The following SORD variants were observed in gnomAD, a reference collection of about 807,000 sequenced individuals.
The protein encoded by SORD is sorbitol dehydrogenase.
SORD carries 18 observed loss-of-function variants against 35.6 expected under a neutral mutation model. The observed-to-expected ratio is 0.51, with a 90% CI of 0.35 to 0.75. The LOEUF (loss-of-function observed/expected upper bound fraction) is 0.75, where lower values mean the gene tolerates loss of function less well. Ranked by LOEUF, SORD falls within the 30% of genes least tolerant of loss-of-function variation. SORD has a pLI of 0.01. For missense variants in SORD, 250 were observed against 390.2 expected, an observed-to-expected ratio of 0.64 and a Z score of 3.03; for synonymous variants, 106 against 152.9, an observed-to-expected ratio of 0.69 and a Z score of 2.26.
At chr15:45,050,958 C>G (rs8042676) in intron 3 of SORD, among the ~76,000 whole-genome samples, 1 of 152,214 alleles carries the variant, frequency 6.6e-6, no homozygotes, top group African/African-American at 2.4e-5. Flanking sequence ...TTAATACTTG[C>G]TCTGCATGAT....
intron 3 of SORD, among the ~76,000 whole-genome samples, chr15:45,052,341 T>C (rs1166320145): frequency 6.6e-6 from 1 of 152,192 alleles, no homozygotes; most frequent in Non-Finnish European, 1.5e-5. Context: ...GGCTAAAAGT[T>C]GTCTCTCAAG....
chr15:45,048,006 A>T (rs1352628324), intron 3 of SORD, among the ~76,000 whole-genome samples: 2 of 152,228 alleles, frequency 1.3e-5, no homozygotes, highest in Admixed American at 6.5e-5. Flanking sequence ...TTCTGCAAAC[A>T]TGGAGGCCAT....
intron 1 of SORD, among the ~76,000 whole-genome samples, chr15:45,038,126 C>CCCTTCCTTCCTTCCTTCCTT (rs71114304): frequency 2.5e-5 from 3 of 122,244 alleles, no homozygotes; most frequent in South Asian, 3.2e-4. Context: ...CTCGCATCCT[C>CCCTTCCTTCCTTCCTTCCTT]CCTTCCTTCC....
intron 3 of SORD, among the ~76,000 whole-genome samples, chr15:45,053,724 A>G (rs1595503284): frequency 1.3e-5 from 2 of 150,306 alleles, no homozygotes; most frequent in East Asian, 3.9e-4. Context: ...TACATGTGCC[A>G]TGCTGGTGTG....
chr15:45,031,174 C>T (rs1892779197), intron 1 of SORD, among the ~76,000 whole-genome samples: 1 of 152,160 alleles, frequency 6.6e-6, no homozygotes, highest in South Asian at 2.1e-4. Flanking sequence ...AAAAAGTAGC[C>T]GGGTGTGATA....
intron 7 of SORD, among the ~76,000 whole-genome samples, chr15:45,069,699 G>C (rs1032582599): frequency 6.6e-6 from 1 of 152,130 alleles, no homozygotes; most frequent in Non-Finnish European, 1.5e-5. Context: ...AGAAAAACAG[G>C]GAACCATGCC....
chr15:45,026,725 T>C (rs1319606319), intron 1 of SORD, among the ~76,000 whole-genome samples: 2 of 152,268 alleles, frequency 1.3e-5, no homozygotes, highest in Non-Finnish European at 2.9e-5. Context: ...AAAAAGTGTA[T>C]AAATCATTCC....
chr15:45,067,843 A>T (rs898954401), intron 5 of SORD, among the ~76,000 whole-genome samples: 4 of 152,176 alleles, frequency 2.6e-5, no homozygotes, highest in African/African-American at 9.7e-5. Flanking sequence ...ACCTTCTGAG[A>T]TTTCTTATTT....
At chr15:45,032,523 T>G (rs1172166622) in intron 1 of SORD, among the ~76,000 whole-genome samples, 1 of 152,044 alleles carries the variant, frequency 6.6e-6, no homozygotes, top group Non-Finnish European at 1.5e-5. Flanking sequence ...CTGCGGGATC[T>G]GAAAGAAGGA....
intron 8 of SORD, among the ~76,000 whole-genome samples, chr15:45,072,851 G>A (rs1184732815): frequency 1.4e-5 from 2 of 141,862 alleles, no homozygotes; most frequent in East Asian, 2.0e-4. Flanking sequence ...CCTGGGGAGC[G>A]AAAGGGTCTT....
At position 45,073,513 on chromosome 15, in the gene SORD, A is replaced by G; in HGVS notation, c.1057A>G (p.Ser353Gly). 4.4e-6 allele frequency: 7 copies of G among 1,577,780 alleles called. No individual in the cohort carries two copies. The highest frequency in any genetic ancestry group is 6.0e-6 in the Non-Finnish European group (7 of 1,168,478). ...GLKIMLKCDP[S>G]DQNP ...GAAAATCATGCTCAAGTGTGACCCC[A>G]GTGACCAGAATCCCTGATGTTAATG... The change falls in exon 9 of 9, where the codon AGT becomes GGT. Residue 353 changes from serine (S) to glycine (G), a missense_variant. Ser to Gly is a moderately conservative substitution (Grantham distance 56, BLOSUM62 0). Around this residue, in one of 8 missense-constraint regions of SORD, gnomAD observed 17 missense variants for 26.2 expected, o/e 0.65. Transcript: ENST00000267814.
intron 2 of SORD, 34 bp downstream of exon 2, chr15:45,040,475 T>A: frequency 3.3e-6 from 5 of 1,518,206 alleles, no homozygotes; most frequent in Non-Finnish European, 4.6e-6. Context: ...TATATTTTAT[T>A]ATTTCCTGTT....
At chr15:45,058,490 A>C (rs986618230) in intron 3 of SORD, 1 of 152,208 alleles carries the variant, frequency 6.6e-6, no homozygotes. Context: ...AAAAAAAAAA[A>C]AACTATGGAT....
chr15:45,026,084 C>G (rs963444292), intron 1 of SORD, among the ~76,000 whole-genome samples: 7 of 152,160 alleles, frequency 4.6e-5, no homozygotes, highest in Non-Finnish European at 8.8e-5. Flanking sequence ...TCAGGTGCAC[C>G]TGCAGCTCAA....
chr15:45,023,289 G>A lies in SORD; in HGVS notation c.6G>A (p.Ala2=), dbSNP rs1210171765. The A allele has an allele frequency of 6.3e-6, 10 of 1,584,528 alleles. No homozygotes were observed. Among genetic ancestry groups the A allele is most frequent in the African/African-American group, 1.4e-5 (1 of 73,632 alleles). The change falls in exon 1 of 9, where the codon GCG becomes GCA. Residue 2 remains alanine (A), a synonymous_variant. Coordinates refer to ENST00000267814, the MANE Select transcript of SORD (RefSeq NM_003104.6). ...TCCAGAGCCAAAAGAGCTCCATGGC[G>A]GCGGCGGCCAAGCCCAACAACCTTT... M[A]AAAKPNNLSL...
At chr15:45,066,965 C>T (rs891859179) in intron 5 of SORD, among the ~76,000 whole-genome samples, 5 of 152,188 alleles carry the variant, frequency 3.3e-5, no homozygotes, top group South Asian at 2.1e-4. Flanking sequence ...ATCCCGTCAC[C>T]GATTAGCCCA....
At chr15:45,030,846 G>GTCCTTGCAGGAGGAC (rs1303310418) in intron 1 of SORD, among the ~76,000 whole-genome samples, 1 of 152,226 alleles carries the variant, frequency 6.6e-6, no homozygotes, top group Non-Finnish European at 1.5e-5. Flanking sequence ...CTTGCAGGAG[G>GTCCTTGCAGGAGGAC]TGATGCCTGA....
At chr15:45,060,637 G>A (rs1462207642) in intron 3 of SORD, among the ~76,000 whole-genome samples, 3 of 152,188 alleles carry the variant, frequency 2.0e-5, no homozygotes, top group Non-Finnish European at 4.4e-5. Flanking sequence ...CCAAACAGAT[G>A]AAGAAAAAAT....
intron 3 of SORD, among the ~76,000 whole-genome samples, chr15:45,055,997 A>G (rs1272490583): frequency 1.3e-5 from 2 of 151,300 alleles, no homozygotes; most frequent in Non-Finnish European, 1.5e-5. Flanking sequence ...TCTCAAAATA[A>G]TAAGAGCTAT....
Sources: allele counts gnomAD v4.1 joint callset (sites outside exome capture counted in the v4.1 genomes callset), GRCh38; gene constraint gnomAD v4.1.1; regional missense constraint gnomAD v4.1.1; transcripts MANE v1.5; gene names NCBI Gene and HGNC (gene_info 2026-07-23, HGNC 2026-07-21).